STK33: variants seen among roughly 807,000 people sequenced by gnomAD.
STK33 encodes serine/threonine kinase 33.
STK33 carries 52 observed loss-of-function variants against 58.0 expected under a neutral mutation model. That is an observed-to-expected ratio of 0.90 (90% CI 0.72 to 1.13). STK33 has a LOEUF of 1.13. Ranked by LOEUF, STK33 falls within the 50% of genes most tolerant of loss-of-function variation. The pLI is 0.00. For missense variants in STK33, 630 were observed against 604.2 expected (o/e 1.04, Z -0.45); for synonymous variants, 215 against 200.1 (o/e 1.07, Z -0.63).
chr11:8,548,023 G>A (rs1011002193), intron 1 of STK33, among the ~76,000 whole-genome samples: 1 of 141,172 alleles, frequency 7.1e-6, no homozygotes, highest in African/African-American at 2.6e-5. Flanking sequence ...GGGGTGGAGG[G>A]AGGGGGGAGG....
chr11:8,582,207 C>CA (rs898462599), intron 1 of STK33, among the ~76,000 whole-genome samples: 4 of 151,874 alleles, frequency 2.6e-5, no homozygotes, highest in African/African-American at 4.8e-5. Context: ...ATTTGATAAA[C>CA]AAAAAAACAT....
At chr11:8,347,277 G>A in the STK33 span, among the ~76,000 whole-genome samples, 1 of 152,188 alleles carries the variant, frequency 6.6e-6, no homozygotes, top group East Asian at 1.9e-4. Context: ...GGCTTCACTG[G>A]TCTCAGACAG....
the STK33 span, among the ~76,000 whole-genome samples, chr11:8,371,095 G>C: frequency 2.0e-5 from 3 of 152,160 alleles, no homozygotes; most frequent in African/African-American, 7.2e-5. Context: ...GAACCATGAA[G>C]GAACGTAATG....
intron 1 of STK33, among the ~76,000 whole-genome samples, chr11:8,502,079 C>CA (rs35658894): frequency 0.55 from 83,704 of 151,822 alleles, 23,451 homozygotes; most frequent in African/African-American, 0.66. Flanking sequence ...AAAATGTTCT[C>CA]AATTACATAG....
chr11:8,419,166 T>C (rs1275759175), intron 14 of STK33, among the ~76,000 whole-genome samples: 2 of 152,220 alleles, frequency 1.3e-5, no homozygotes, highest in Non-Finnish European at 1.5e-5. Context: ...GGTACCTATG[T>C]CCAGAATGGT....
chr11:8,481,637 T>A (rs182977630), intron 1 of STK33, among the ~76,000 whole-genome samples: 2 of 152,276 alleles, frequency 1.3e-5, no homozygotes, highest in Non-Finnish European at 2.9e-5. Flanking sequence ...CTTGTAGCTT[T>A]CCTTTCAGAG....
At chr11:8,348,448 C>T in the STK33 span, among the ~76,000 whole-genome samples, 2 of 152,258 alleles carry the variant, frequency 1.3e-5, no homozygotes, top group Admixed American at 6.5e-5. Flanking sequence ...ATCAGGATCT[C>T]GTGAGAACTC....
rs564344154 is a variant in STK33 at position 8,473,284 on chromosome 11, CA to C, written c.226-9del. ...ATTTGAGGTTCTTGAGGGCTGGGACCAAAAAAAAAATTAAAAAAAAAAAACT... is the reference window on the plus strand; with the variant it reads ...ATTTGAGGTTCTTGAGGGCTGGGACCAAAAAAAAATTAAAAAAAAAAAACT... On this transcript the variant is annotated splice_polypyrimidine_tract_variant and intron_variant, in intron 5 of 15. Coordinates refer to ENST00000687296, the MANE Select transcript of STK33 (RefSeq NM_001352389.2). 4.1e-3 allele frequency: 5,449 copies of C among 1,325,962 alleles called. No homozygotes were observed. Among genetic ancestry groups the C allele is most frequent in the Non-Finnish European group, 4.6e-3 (4,545 of 979,628 alleles). 82.1% of individuals were successfully genotyped at this position (1,325,962 alleles called of 1,614,324 possible).
chr11:8,440,754 CT>C lies in STK33; in HGVS notation c.872-2del. 1 of 1,561,410 alleles carries C rather than the reference CT, an allele frequency of 6.4e-7. No individual in the cohort carries two copies. Among genetic ancestry groups the C allele is most frequent in the Non-Finnish European group, 8.7e-7 (1 of 1,151,052 alleles). On this transcript the variant is annotated splice_acceptor_variant, in intron 11 of 15. Transcript: ENST00000687296. LOFTEE classifies it high-confidence loss of function. ...TCGTGGGCACTGATAACTTCAGGGG[CT>C]GCCAAACAAGCAGATATAAAATAAC... is the stretch of plus-strand genomic sequence containing the variant.
chr11:8,556,615 A>T (rs1158977448), intron 1 of STK33, among the ~76,000 whole-genome samples: 1 of 152,122 alleles, frequency 6.6e-6, no homozygotes, highest in African/African-American at 2.4e-5. Context: ...TTTTTAAATC[A>T]CTTATCCAAA....
At chr11:8,421,663 G>A (rs1410311750) in intron 14 of STK33, among the ~76,000 whole-genome samples, 3 of 152,144 alleles carry the variant, frequency 2.0e-5, no homozygotes, top group East Asian at 1.9e-4. Context: ...ATATCAATAC[G>A]GGAAAAATTA....
At chr11:8,467,152 G>A (rs1386681354) in intron 6 of STK33, 1 of 152,210 alleles carries the variant, frequency 6.6e-6, no homozygotes, top group Admixed American at 6.5e-5. Context: ...TTGTCTTGGG[G>A]ATTAACATTT....
At chr11:8,471,046 T>C (rs1008416235) in intron 6 of STK33, among the ~76,000 whole-genome samples, 1 of 152,134 alleles carries the variant, frequency 6.6e-6, no homozygotes, top group Non-Finnish European at 1.5e-5. Context: ...ATCTGCAGAG[T>C]GCAATAAATC....
At chr11:8,422,565 G>A (rs150381103) in intron 14 of STK33, among the ~76,000 whole-genome samples, 110 of 152,178 alleles carry the variant, frequency 7.2e-4, no homozygotes, top group African/African-American at 2.6e-3. Context: ...AATTATTTGG[G>A]CCTGGTGTTT....
Position 8,494,372 on chromosome 11 carries a change from G to A in STK33, c.-465-13758C>T, listed in dbSNP as rs1950881589. Among the ~76,000 whole-genome samples, 5 of 152,170 alleles carry A rather than the reference G, an allele frequency of 3.3e-5. No homozygotes were observed. The South Asian group carries it at 1.0e-3, about 32-fold the overall frequency. On this transcript the variant is annotated intron_variant, in intron 1 of 15. Coordinates refer to ENST00000687296, the MANE Select transcript of STK33 (RefSeq NM_001352389.2). ...GCTACAAAGAGAATAAAATACCTAG[G>A]AATCCAACTTACAAGGGATGTGAAG... is the stretch of plus-strand genomic sequence containing the variant.
chr11:8,351,732 T>A, the STK33 span, among the ~76,000 whole-genome samples: 1 of 152,128 alleles, frequency 6.6e-6, no homozygotes, highest in Non-Finnish European at 1.5e-5. Flanking sequence ...CGCTTATATG[T>A]TCTGCTGCTG....
chr11:8,390,465 TATATC>T (rs1848605025), downstream of STK33, among the ~76,000 whole-genome samples: 1 of 152,076 alleles, frequency 6.6e-6, no homozygotes, highest in Non-Finnish European at 1.5e-5. Flanking sequence ...AGGAAGGCCA[TATATC>T]CCCAGACCTT....
intron 15 of STK33, among the ~76,000 whole-genome samples, chr11:8,395,356 G>A (rs7950148): frequency 0.12 from 18,213 of 152,156 alleles, 1,308 homozygotes; most frequent in African/African-American, 0.19. Context: ...CTTGCCTGCT[G>A]CCACCTAAGG....
intron 1 of STK33, among the ~76,000 whole-genome samples, chr11:8,534,532 T>TTCTCTCTCTCTC (rs61429377): frequency 2.5e-5 from 3 of 122,446 alleles, no homozygotes; most frequent in African/African-American, 9.6e-5. Flanking sequence ...GTATATATAT[T>TTCTCTCTCTCTC]TCTCTCTCTC....
Sources: gnomAD v4.1 joint callset for allele counts (sites outside exome capture counted in the v4.1 genomes callset) on GRCh38, gnomAD v4.1.1 for gene constraint, MANE v1.5 for transcripts, NCBI Gene and HGNC (gene_info 2026-07-23, HGNC 2026-07-21) for gene names.